The following SOS2 variants were observed in gnomAD, a reference collection of about 807,000 sequenced individuals.
The protein encoded by SOS2 is son of sevenless homolog 2.
SOS2 carries 65 observed loss-of-function variants against 148.2 expected under a neutral mutation model. That is an observed-to-expected ratio of 0.44 (90% CI 0.36 to 0.54). SOS2 has a LOEUF of 0.54. Among genes scored for constraint, SOS2 ranks in the 20% least tolerant of loss-of-function variants. The pLI, the probability that SOS2 is intolerant of heterozygous loss-of-function variation, is 0.00. For synonymous variants in SOS2, 539 were observed against 537.1 expected, an observed-to-expected ratio of 1.00 and a Z score of -0.05; for missense variants, 1,341 against 1,590.2, an observed-to-expected ratio of 0.84 and a Z score of 2.67.
chr14:50,138,783 T>A lies in SOS2; in HGVS notation c.2787A>T (p.Gly929=). 1 of 813,458 alleles carries A rather than the reference T, an allele frequency of 1.2e-6. No individual in the cohort carries two copies. Among genetic ancestry groups the A allele is most frequent in the Non-Finnish European group, 1.9e-6 (1 of 535,100 alleles). 50.4% of individuals were successfully genotyped at this position (813,458 alleles called of 1,614,324 possible). The change falls in exon 18 of 23, where the codon GGA becomes GGT. Residue 929 remains glycine (G), a splice_region_variant and synonymous_variant. Transcript: ENST00000216373. ...TCTTCAGAATATTTGTTAAATATATTCCTAGTAAAAAAAAAAAAAGAATTT... is the reference window on the plus strand; with the variant it reads ...TCTTCAGAATATTTGTTAAATATATACCTAGTAAAAAAAAAAAAAGAATTT... ...SINPPCVPFF[G]IYLTNILKTE...
intron 1 of SOS2, among the ~76,000 whole-genome samples, chr14:50,220,434 G>A (rs982642550): frequency 9.6e-5 from 6 of 62,314 alleles, no homozygotes. Flanking sequence ...AACAGACCCT[G>A]CATAAAGAAA....
In SOS2 at chr14:50,118,480, G is replaced by A; in HGVS notation, c.3863C>T (p.Pro1288Leu). ...SSSQNNLAHP[P>L]APPVPPRQNS... ...CTGCCTTGGTGGAACAGGGGGAGCTGGAGGATGAGCAAGATTATTCTGACT... is the reference window on the plus strand; with the variant it reads ...CTGCCTTGGTGGAACAGGGGGAGCTAGAGGATGAGCAAGATTATTCTGACT... The change falls in exon 23 of 23, where the codon CCA (proline) becomes CTA (leucine). Residue 1288 changes from proline (P) to leucine (L), a missense_variant. Around this residue, in one of 4 missense-constraint regions of SOS2, gnomAD observed 354 missense variants for 347.7 expected, o/e 1.02. Transcript: ENST00000216373. 1 of 1,614,102 alleles carries A rather than the reference G, an allele frequency of 6.2e-7. No individual in the cohort carries two copies. The highest frequency in any genetic ancestry group is 1.1e-5 in the South Asian group (1 of 91,076).
chr14:50,224,407 A>C (rs1409361262), intron 1 of SOS2, among the ~76,000 whole-genome samples: 1 of 151,496 alleles, frequency 6.6e-6, no homozygotes, highest in African/African-American at 2.4e-5. Flanking sequence ...GGATGTGGTC[A>C]CAGAAAGATG....
chr14:50,138,548 T>TG, intron 18 of SOS2, 64 bp downstream of exon 18: 1 of 669,170 alleles, frequency 1.5e-6, no homozygotes, highest in Non-Finnish European at 2.4e-6. Context: ...TTATTCATTC[T>TG]ATTTTTTTTT....
chr14:50,194,336 A>G lies in SOS2; in HGVS notation c.510+5355T>C, dbSNP rs375972304. ...GTTTGTTGACCCATGAATTAAATAA[A>G]ATGTGAAATAATAGCTAACTAAAAG... On this transcript the variant is annotated intron_variant, in intron 4 of 22. Transcript: ENST00000216373. Among the ~76,000 whole-genome samples the G allele has an allele frequency of 2.6e-4, 40 of 152,330 alleles. No homozygotes were observed. In the East Asian group the frequency reaches 5.6e-3, roughly 21 times the overall value.
At chr14:50,146,497 T>C (rs985492703) in intron 14 of SOS2, among the ~76,000 whole-genome samples, 1 of 151,704 alleles carries the variant, frequency 6.6e-6, no homozygotes, top group African/African-American at 2.4e-5. Context: ...TACAAAGAAA[T>C]TAGCCGGGCG....
At chr14:50,141,925 A>G (rs948753597) in intron 16 of SOS2, among the ~76,000 whole-genome samples, 1 of 152,234 alleles carries the variant, frequency 6.6e-6, no homozygotes, top group African/African-American at 2.4e-5. Flanking sequence ...CAAATAGATC[A>G]AAGGAACAGA....
At chr14:50,190,563 A>G (rs974823335) in intron 4 of SOS2, among the ~76,000 whole-genome samples, 4 of 152,226 alleles carry the variant, frequency 2.6e-5, no homozygotes, top group African/African-American at 9.6e-5. Context: ...AAAAAGATAC[A>G]CAAGTTTCAT....
chr14:50,166,371 A>T (rs576485460), intron 8 of SOS2, among the ~76,000 whole-genome samples: 77 of 152,178 alleles, frequency 5.1e-4, no homozygotes, highest in African/African-American at 1.9e-3. Flanking sequence ...CTTGGACTAC[A>T]GGCATTGCCA....
rs538981378 is a variant in SOS2 at position 50,190,118 on chromosome 14, G to A, written c.511-1418C>T. Among the ~76,000 whole-genome samples, 4 of 152,132 alleles carry A rather than the reference G, an allele frequency of 2.6e-5. No homozygotes were observed. The East Asian group carries it at 7.7e-4, about 29-fold the overall frequency. On this transcript the variant is annotated intron_variant, in intron 4 of 22. Transcript: ENST00000216373. ...TCCACCTGCCTCAGCCTCCCAAAGTGCTGGGATTACAGGTGTGAGCCACTG... is the reference window on the plus strand; with the variant it reads ...TCCACCTGCCTCAGCCTCCCAAAGTACTGGGATTACAGGTGTGAGCCACTG...
rs1201842391 is a variant in SOS2, at chr14:50,120,217, G to A, written c.3489+58C>T. ...AATTCACAGACTCTTTATAACACTAGGCATTATTTTGAAGATTCACAACTT... is the reference window on the plus strand; with the variant it reads ...AATTCACAGACTCTTTATAACACTAAGCATTATTTTGAAGATTCACAACTT... On this transcript the variant is annotated intron_variant, in intron 22 of 22. Coordinates refer to ENST00000216373, the MANE Select transcript of SOS2 (RefSeq NM_006939.4). 4 of 777,708 alleles carry A rather than the reference G, an allele frequency of 5.1e-6. No individual in the cohort carries two copies. The Admixed American group carries it at 8.6e-5, about 17-fold the overall frequency. The allele number at this position is 777,708 out of a possible 1,614,324, so 48.2% of individuals were successfully genotyped here. A position where few individuals can be genotyped will look rare whatever the true frequency, so the allele number is the denominator to read the frequency against.
intron 1 of SOS2, among the ~76,000 whole-genome samples, chr14:50,220,823 A>C (rs1282413678): frequency 2.0e-5 from 3 of 152,192 alleles, no homozygotes; most frequent in Non-Finnish European, 2.9e-5. Context: ...CTGAAGCAAA[A>C]ATTTTTGTCA....
At position 50,182,423 on chromosome 14, in the gene SOS2, T is replaced by C. The variant is rs148013479; in HGVS notation, c.858+40A>G. ...TCTCTAAGTTTCTTACTACAGCATTTAGGGCTTTAATGAGAATATAAGTAG... is the reference window on the plus strand; with the variant it reads ...TCTCTAAGTTTCTTACTACAGCATTCAGGGCTTTAATGAGAATATAAGTAG... On this transcript the variant is annotated intron_variant, in intron 6 of 22. Transcript: ENST00000216373. 23,392 of 1,586,730 alleles carry C rather than the reference T, an allele frequency of 0.015. 205 individuals are homozygous for C. Among genetic ancestry groups the C allele is most frequent in the Non-Finnish European group, 0.016 (18,675 of 1,156,626 alleles).
intron 1 of SOS2, among the ~76,000 whole-genome samples, chr14:50,214,952 C>T (rs931086337): frequency 3.3e-5 from 5 of 151,662 alleles, no homozygotes; most frequent in African/African-American, 9.7e-5. Context: ...TCTCCTGCCT[C>T]GGCCTCCCGA....
rs755550719 is a variant in SOS2 at position 50,160,017 on chromosome 14, T to C, written c.1266A>G (p.Glu422=). 3.1e-6 allele frequency: 5 copies of C among 1,614,086 alleles called. No individual in the cohort carries two copies. The highest frequency in any genetic ancestry group is 4.2e-6 in the Non-Finnish European group (5 of 1,179,952). ...SKHLAIKKMN[E]IQKNIDGWEG... is the part of the protein sequence containing the mutation. ...CCCATCCATCGATATTTTTCTGAAT[T>C]TCATTCATTTTTTTGATAGCCAGGT... Residue 422 remains glutamate, a synonymous_variant, in exon 10 of 23, where the codon GAA becomes GAG. Coordinates refer to ENST00000216373, the MANE Select transcript of SOS2 (RefSeq NM_006939.4).
intron 3 of SOS2, 97 bp from the exon 4 acceptor site, chr14:50,199,952 T>C (rs1197009675): frequency 1.3e-6 from 1 of 750,218 alleles, no homozygotes; most frequent in African/African-American, 1.8e-5. Context: ...TATAAAAAAT[T>C]TTCTATTAAC....
At chr14:50,215,236 C>T (rs374288414) in intron 1 of SOS2, 110 of 412,028 alleles carry the variant, frequency 2.7e-4, no homozygotes, top group South Asian at 2.5e-3. Context: ...GGGATGGATT[C>T]TTTTTCTGTG....
At chr14:50,220,113 G>T (rs1887155124) in intron 1 of SOS2, among the ~76,000 whole-genome samples, 1 of 151,292 alleles carries the variant, frequency 6.6e-6, no homozygotes. Context: ...AACAGACCCT[G>T]CATTGGGCCA....
chr14:50,191,492 A>AC (rs1886137281), intron 4 of SOS2, among the ~76,000 whole-genome samples: 2 of 151,110 alleles, frequency 1.3e-5, no homozygotes, highest in Non-Finnish European at 3.0e-5. Context: ...ACACATATAA[A>AC]CCCCCCAGCT....
Sources: gnomAD v4.1 joint callset for allele counts (sites outside exome capture counted in the v4.1 genomes callset) on GRCh38, gnomAD v4.1.1 for gene constraint, gnomAD v4.1.1 regional missense constraint, MANE v1.5 for transcripts, NCBI Gene and HGNC (gene_info 2026-07-23, HGNC 2026-07-21) for gene names.